The following MON2 variants were observed in gnomAD, a reference collection of about 807,000 sequenced individuals.
MON2 encodes protein MON2 homolog.
A neutral mutation model predicts 208.6 loss-of-function variants in MON2; 84 were observed. That is an observed-to-expected ratio of 0.40 (90% CI 0.34 to 0.48). The LOEUF is 0.48. MON2 is among the 20% of genes least tolerant of loss of function. The pLI is 0.59. For missense variants in MON2, 1,611 were observed against 2,015.4 expected (o/e 0.80, Z 3.84); for synonymous variants, 660 against 694.0 (o/e 0.95, Z 0.77).
intron 2 of MON2, among the ~76,000 whole-genome samples, chr12:62,492,705 G>C (rs1474560042): frequency 6.9e-6 from 1 of 145,450 alleles, no homozygotes; most frequent in East Asian, 2.2e-4. Flanking sequence ...TCACAGCCAG[G>C]CACGGTGGCT....
intron 1 of MON2, among the ~76,000 whole-genome samples, chr12:62,472,410 CTTTTCTCTCTT>C (rs1218617785): frequency 1.3e-5 from 2 of 152,048 alleles, no homozygotes; most frequent in Non-Finnish European, 2.9e-5. Flanking sequence ...GGATAGATTC[CTTTTCTCTCTT>C]TTTAAATGAT....
chr12:62,581,097 C>A (rs1314259742), intron 32 of MON2, among the ~76,000 whole-genome samples: 1 of 152,208 alleles, frequency 6.6e-6, no homozygotes, highest in Non-Finnish European at 1.5e-5. Flanking sequence ...GAAAAAATTG[C>A]TCACAATCTT....
At chr12:62,542,245 T>C (rs1426023157) in intron 19 of MON2, among the ~76,000 whole-genome samples, 1 of 152,216 alleles carries the variant, frequency 6.6e-6, no homozygotes, top group Non-Finnish European at 1.5e-5. Flanking sequence ...GAAAGGAAGA[T>C]ATTATCACAC....
intron 7 of MON2, among the ~76,000 whole-genome samples, chr12:62,507,139 T>C (rs2071142385): frequency 2.0e-5 from 1 of 49,426 alleles, no homozygotes; most frequent in African/African-American, 8.4e-5. Flanking sequence ...GAACAAAATT[T>C]TAAGTTAATT....
chr12:62,581,996 A>G (rs866525344), intron 32 of MON2, among the ~76,000 whole-genome samples: 1 of 152,264 alleles, frequency 6.6e-6, no homozygotes, highest in Middle Eastern at 3.4e-3. Flanking sequence ...CACTTCACAT[A>G]CTAGTTCTTT....
intron 1 of MON2, among the ~76,000 whole-genome samples, chr12:62,475,221 C>T (rs2135961422): frequency 6.6e-6 from 1 of 152,050 alleles, no homozygotes; most frequent in South Asian, 2.1e-4. Context: ...CATGTTATGG[C>T]TTCTTTGTTT....
chr12:62,485,548 A>G (rs983649888), intron 2 of MON2, among the ~76,000 whole-genome samples: 3 of 152,090 alleles, frequency 2.0e-5, no homozygotes, highest in Non-Finnish European at 2.9e-5. Flanking sequence ...GATTTTGAAC[A>G]GTCTTATCAA....
At chr12:62,468,490 A>C (rs1016793490) in intron 1 of MON2, among the ~76,000 whole-genome samples, 23 of 152,108 alleles carry the variant, frequency 1.5e-4, no homozygotes, top group African/African-American at 5.6e-4. Flanking sequence ...TTGACCAATA[A>C]ATTTTGGATT....
At chr12:62,510,387 G>A (rs973097791) in intron 8 of MON2, among the ~76,000 whole-genome samples, 1 of 151,952 alleles carries the variant, frequency 6.6e-6, no homozygotes, top group East Asian at 1.9e-4. Context: ...AAATTCTCAA[G>A]AAAGTACAAG....
chr12:62,517,253 TA>T (rs1223894117), intron 8 of MON2, among the ~76,000 whole-genome samples: 3 of 152,214 alleles, frequency 2.0e-5, no homozygotes, highest in East Asian at 3.8e-4. Context: ...TCATATCCAC[TA>T]GTCAGTCCTG....
intron 23 of MON2, among the ~76,000 whole-genome samples, chr12:62,551,454 C>CTTG (rs2073740600): frequency 6.6e-6 from 1 of 152,006 alleles, no homozygotes; most frequent in Non-Finnish European, 1.5e-5. Context: ...CTCATGCACC[C>CTTG]CAAAATAGTT....
intron 4 of MON2, among the ~76,000 whole-genome samples, chr12:62,498,494 A>G (rs565333048): frequency 6.6e-6 from 1 of 152,356 alleles, no homozygotes; most frequent in East Asian, 1.9e-4. Context: ...TATATAAATT[A>G]CATCTCAATA....
chr12:62,539,230 A>T (rs1366307490), intron 19 of MON2, among the ~76,000 whole-genome samples: 1 of 152,096 alleles, frequency 6.6e-6, no homozygotes, highest in Non-Finnish European at 1.5e-5. Context: ...TTAAAGCTAT[A>T]ACATGTAACT....
chr12:62,532,332 A>T, intron 11 of MON2, 106 bp from the exon 12 acceptor site: 1 of 817,100 alleles, frequency 1.2e-6, no homozygotes, highest in Admixed American at 2.7e-5. Flanking sequence ...ATTTTTTGCT[A>T]TTCTGTTAAT....
intron 1 of MON2, among the ~76,000 whole-genome samples, chr12:62,476,934 G>A (rs983680966): frequency 6.6e-6 from 1 of 152,116 alleles, no homozygotes; most frequent in Non-Finnish European, 1.5e-5. Context: ...AAGACTGGAG[G>A]ATCACTGAGA....
intron 8 of MON2, among the ~76,000 whole-genome samples, chr12:62,523,013 G>T (rs1401356820): frequency 6.6e-6 from 1 of 152,174 alleles, no homozygotes; most frequent in Non-Finnish European, 1.5e-5. Flanking sequence ...ATGTTTCTGA[G>T]ATCCTTTGTA....
chr12:62,497,625 CT>C (rs988936092), intron 4 of MON2, among the ~76,000 whole-genome samples: 3 of 151,716 alleles, frequency 2.0e-5, no homozygotes, highest in Non-Finnish European at 4.4e-5. Context: ...CTTTTCTTTT[CT>C]TTTTTTGAGA....
At chr12:62,557,928 TTATATATATATATATATATATATA>T (rs71086609) in intron 25 of MON2, among the ~76,000 whole-genome samples, 1 of 46,130 alleles carries the variant, frequency 2.2e-5, no homozygotes, top group Admixed American at 3.8e-4. Context: ...ACGAATAGAT[TTATATATATATATATATATATATA>T]TATATATATA....
intron 11 of MON2, among the ~76,000 whole-genome samples, chr12:62,526,489 A>G (rs530541456): frequency 1.6e-4 from 25 of 151,926 alleles, no homozygotes; most frequent in Admixed American, 1.3e-3. Flanking sequence ...TCATCTATAC[A>G]ATGGGAGTAG....
Sources: allele counts gnomAD v4.1 joint callset (sites outside exome capture counted in the v4.1 genomes callset), GRCh38; gene constraint gnomAD v4.1.1; transcripts MANE v1.5; gene names NCBI Gene and HGNC (gene_info 2026-07-23, HGNC 2026-07-21).